Variants in GASK1A observed in about 807,000 individuals in gnomAD.
GASK1A encodes the protein golgi associated kinase 1A.
A neutral mutation model predicts 41.2 loss-of-function variants in GASK1A; 40 were observed. The observed-to-expected ratio is 0.97, with a 90% CI of 0.75 to 1.27. GASK1A has a LOEUF of 1.27. GASK1A is among the 50% of genes most tolerant of loss of function. GASK1A has a pLI of 0.00. For synonymous variants in GASK1A, 316 were observed against 307.1 expected (o/e 1.03, Z -0.30); for missense variants, 678 against 745.1 (o/e 0.91, Z 1.05).
chr3:42,985,581 GT>G (rs1368216325), intron 1 of GASK1A, among the ~76,000 whole-genome samples: 10 of 148,864 alleles, frequency 6.7e-5, no homozygotes, highest in Non-Finnish European at 1.5e-4. Flanking sequence ...GTGTGTGTGT[GT>G]GTGTGGGCGG....
chr3:43,014,363 G>A (rs1426585253), intron 1 of GASK1A, among the ~76,000 whole-genome samples: 1 of 152,070 alleles, frequency 6.6e-6, no homozygotes, highest in Non-Finnish European at 1.5e-5. Context: ...TGAAGTCAGA[G>A]GAAGAAGCTG....
intron 2 of GASK1A, among the ~76,000 whole-genome samples, chr3:43,038,276 T>C (rs1462651431): frequency 2.6e-5 from 4 of 152,240 alleles, no homozygotes; most frequent in African/African-American, 9.6e-5. Context: ...AAGTGTGTGG[T>C]TAATATTGTG....
intron 1 of GASK1A, among the ~76,000 whole-genome samples, chr3:43,024,179 G>T (rs533202116): frequency 5.3e-5 from 8 of 152,126 alleles, no homozygotes; most frequent in African/African-American, 1.4e-4. Flanking sequence ...CATACCTTTC[G>T]TGTGCAAACC....
chr3:42,995,881 TCCCAGATC>T (rs2125675350), intron 1 of GASK1A, among the ~76,000 whole-genome samples: 1 of 152,248 alleles, frequency 6.6e-6, no homozygotes, highest in South Asian at 2.1e-4. Flanking sequence ...CCAGCCCCAC[TCCCAGATC>T]TGAGAGCAAA....
At chr3:43,003,472 G>A (rs990205091) in intron 1 of GASK1A, among the ~76,000 whole-genome samples, 4 of 149,704 alleles carry the variant, frequency 2.7e-5, no homozygotes, top group Non-Finnish European at 5.9e-5. Context: ...TCCAGCCTGG[G>A]TGACAGGGTG....
intron 1 of GASK1A, among the ~76,000 whole-genome samples, chr3:42,980,890 C>A (rs1043346530): frequency 1.4e-4 from 22 of 152,144 alleles, no homozygotes; most frequent in Non-Finnish European, 2.8e-4. Context: ...ATTACAAATT[C>A]CCTGTTTAGG....
At chr3:42,993,645 C>T (rs2089353833) in intron 1 of GASK1A, among the ~76,000 whole-genome samples, 1 of 151,782 alleles carries the variant, frequency 6.6e-6, no homozygotes, top group African/African-American at 2.4e-5. Context: ...TGTAGATATT[C>T]ATCAATGTGA....
chr3:43,047,306 A>G (rs2089669055), intron 2 of GASK1A, among the ~76,000 whole-genome samples: 1 of 152,274 alleles, frequency 6.6e-6, no homozygotes, highest in Admixed American at 6.5e-5. Context: ...TTGCATCAGC[A>G]TGAGAATGGA....
At chr3:43,025,766 T>C (rs1219279919) in intron 1 of GASK1A, among the ~76,000 whole-genome samples, 1 of 152,144 alleles carries the variant, frequency 6.6e-6, no homozygotes, top group Non-Finnish European at 1.5e-5. Flanking sequence ...AGTCACTGCA[T>C]TCGGTAAGGG....
chr3:42,996,166 T>G (rs911764912), intron 1 of GASK1A, among the ~76,000 whole-genome samples: 2 of 152,212 alleles, frequency 1.3e-5, no homozygotes, highest in Non-Finnish European at 2.9e-5. Context: ...CCTATGGGGC[T>G]CTTGCTCTCA....
chr3:43,005,154 C>A (rs1344833748), intron 1 of GASK1A, among the ~76,000 whole-genome samples: 2 of 152,204 alleles, frequency 1.3e-5, no homozygotes, highest in Admixed American at 1.3e-4. Flanking sequence ...ATCAGATGAT[C>A]TAGGATAATC....
At chr3:43,037,040 T>G in intron 2 of GASK1A, 1 of 489,776 alleles carries the variant, frequency 2.0e-6, no homozygotes, top group Non-Finnish European at 3.7e-6. Flanking sequence ...CAAGGGTGGT[T>G]TCCAAGGTGT....
chr3:43,015,017 G>A (rs541591318), intron 1 of GASK1A, among the ~76,000 whole-genome samples: 1 of 152,056 alleles, frequency 6.6e-6, no homozygotes, highest in Admixed American at 6.5e-5. Context: ...AAGGGACAGT[G>A]AGAAGTCACA....
chr3:43,036,116 C>T lies in GASK1A; in HGVS notation c.1290+2563C>T, dbSNP rs116336505. 2.2e-3 allele frequency among the ~76,000 whole-genome samples: 337 copies of T among 152,346 alleles called. 2 individuals are homozygous for T. The highest frequency in any genetic ancestry group is 7.9e-3 in the African/African-American group (330 of 41,576). On this transcript the variant is annotated intron_variant, in intron 2 of 4. Transcript: ENST00000430121. ...CCCCTCTGTTCACCTCTCAGGGTTG[C>T]AGCGTGGGACTCTTCCTCAGCTGCC...
intron 2 of GASK1A, among the ~76,000 whole-genome samples, chr3:43,038,057 A>T (rs1559405993): frequency 6.6e-6 from 1 of 152,236 alleles, no homozygotes; most frequent in African/African-American, 2.4e-5. Flanking sequence ...TTAAATATAC[A>T]TCATACGTAC....
intron 1 of GASK1A, among the ~76,000 whole-genome samples, chr3:42,991,389 C>T (rs2089339907): frequency 1.3e-5 from 2 of 152,184 alleles, no homozygotes; most frequent in South Asian, 2.1e-4. Flanking sequence ...CATCTACCCA[C>T]TCCATGCACT....
intron 1 of GASK1A, among the ~76,000 whole-genome samples, chr3:43,011,217 A>T (rs1228557492): frequency 6.6e-6 from 1 of 151,954 alleles, no homozygotes; most frequent in Non-Finnish European, 1.5e-5. Flanking sequence ...CCCTGTCTCT[A>T]CTAAAAATAT....
chr3:42,985,403 C>T (rs746472077), intron 1 of GASK1A, among the ~76,000 whole-genome samples: 1 of 152,122 alleles, frequency 6.6e-6, no homozygotes, highest in Non-Finnish European at 1.5e-5. Flanking sequence ...GTCTCCCTGC[C>T]GTCTTGTCAT....
chr3:43,016,512 A>AAGGGGCTGTGTGAGGTCACAGGG (rs1269883808), intron 1 of GASK1A, among the ~76,000 whole-genome samples: 3 of 151,070 alleles, frequency 2.0e-5, no homozygotes, highest in African/African-American at 7.3e-5. Flanking sequence ...AAGCGTCAGG[A>AAGGGGCTGTGTGAGGTCACAGGG]AGGGGCTGTG....
Sources: allele counts gnomAD v4.1 joint callset (sites outside exome capture counted in the v4.1 genomes callset), GRCh38; gene constraint gnomAD v4.1.1; transcripts MANE v1.5; gene names NCBI Gene and HGNC (gene_info 2026-07-23, HGNC 2026-07-21).